The following CDK13 variants were observed in gnomAD, a reference collection of about 807,000 sequenced individuals.
The protein encoded by CDK13 is cyclin dependent kinase 13.
Under a neutral mutation model 137.6 loss-of-function variants are expected in CDK13, and 40 were observed. The ratio of observed to expected loss-of-function variants is 0.29; its 90% confidence interval spans 0.23 to 0.38. The LOEUF is 0.38. Ranked by LOEUF, CDK13 falls within the 10% of genes least tolerant of loss-of-function variation. The pLI is 1.00. For synonymous variants in CDK13, 869 were observed against 760.1 expected (o/e 1.14, Z -2.36); for missense variants, 1,704 against 1,951.8 (o/e 0.87, Z 2.39).
chr7:39,961,081 GGGCACAGT>G (rs1374578416), intron 1 of CDK13, among the ~76,000 whole-genome samples: 1 of 151,874 alleles, frequency 6.6e-6, no homozygotes, highest in African/African-American at 2.4e-5. Flanking sequence ...CTCTTTGGCT[GGGCACAGT>G]GGCTCACGCC....
chr7:40,017,385 T>A (rs1785025624), intron 5 of CDK13, among the ~76,000 whole-genome samples: 1 of 152,144 alleles, frequency 6.6e-6, no homozygotes, highest in Admixed American at 6.5e-5. Context: ...AATTAACTTA[T>A]AAGGAAGTTT....
intron 5 of CDK13, among the ~76,000 whole-genome samples, chr7:40,006,032 T>G (rs552021828): frequency 6.6e-6 from 1 of 152,294 alleles, no homozygotes; most frequent in Non-Finnish European, 1.5e-5. Flanking sequence ...TGAAGAAACT[T>G]TTTCTAAACT....
At chr7:39,972,849 A>G (rs1422120087) in intron 1 of CDK13, among the ~76,000 whole-genome samples, 1 of 152,106 alleles carries the variant, frequency 6.6e-6, no homozygotes, top group Non-Finnish European at 1.5e-5. Context: ...TGATAATTCT[A>G]TGTTTAAGAT....
chr7:39,961,375 G>C (rs1157206684), intron 1 of CDK13, among the ~76,000 whole-genome samples: 1 of 152,108 alleles, frequency 6.6e-6, no homozygotes, highest in Admixed American at 6.6e-5. Flanking sequence ...AAAAACTACT[G>C]TTTTGTCAGT....
rs1223581133 is a variant in CDK13 at position 40,095,910 on chromosome 7, AG to A, written c.*933del. On this transcript the variant is annotated 3_prime_UTR_variant, in exon 14 of 14. Transcript: ENST00000181839. Reference sequence around the variant, plus strand: ...TTGATAGGGGAGTGAGAGCAAAGAAAGGGAGTAGAACTGCAATCAGTACATA... The same window carrying A: ...TTGATAGGGGAGTGAGAGCAAAGAAAGGAGTAGAACTGCAATCAGTACATA... The A allele has an allele frequency of 6.6e-6, 1 of 152,208 alleles. No individual in the cohort carries two copies. Among genetic ancestry groups the A allele is most frequent in the African/African-American group, 2.4e-5 (1 of 41,454 alleles). The allele number at this position is 152,208 out of a possible 1,614,324, so 9.4% of individuals were successfully genotyped here.
Position 40,001,952 on chromosome 7 carries a change from G to A in CDK13, c.2274G>A (p.Gln758=). The change falls in exon 5 of 14, where the codon CAG becomes CAA. Residue 758 remains glutamine (Q), a synonymous_variant. Transcript: ENST00000181839. ...TTCGAGAAATTAAAATTCTCCGGCA[G>A]CTTACCCATCAGAGTATTATCAATA... ...TAIREIKILR[Q]LTHQSIINMK... is the part of the protein sequence containing the mutation. 6 of 1,610,248 alleles carry A rather than the reference G, an allele frequency of 3.7e-6. No homozygotes were observed. The highest frequency in any genetic ancestry group is 5.1e-6 in the Non-Finnish European group (6 of 1,176,788).
At chr7:39,969,115 T>G (rs1252851665) in intron 1 of CDK13, among the ~76,000 whole-genome samples, 1 of 152,116 alleles carries the variant, frequency 6.6e-6, no homozygotes, top group East Asian at 1.9e-4. Context: ...GTTCAAGCGA[T>G]TCCCCTGTCT....
In CDK13 at chr7:39,997,500, A is replaced by G. The variant is rs1583966234; in HGVS notation, c.1878A>G (p.Arg626=). The G allele has an allele frequency of 6.3e-7, 1 of 1,593,406 alleles. No homozygotes were observed. The highest frequency in any genetic ancestry group is 1.9e-5 in the Admixed American group (1 of 52,804). ...LPEDKEADSL[R]GNISVKAVKK... ...TGACTTCTTTCACTTTCAGCTTACG[A>G]GGAAATATTTCAGTAAAAGCAGTTA... is the stretch of plus-strand genomic sequence containing the variant. The change falls in exon 3 of 14, where the codon CGA becomes CGG. Residue 626 remains arginine (R), a synonymous_variant. Transcript: ENST00000181839.
At chr7:40,012,286 T>C (rs1784911980) in intron 5 of CDK13, among the ~76,000 whole-genome samples, 1 of 152,168 alleles carries the variant, frequency 6.6e-6, no homozygotes, top group Admixed American at 6.5e-5. Flanking sequence ...TTCTAGAAAT[T>C]CTACTACTGG....
intron 5 of CDK13, among the ~76,000 whole-genome samples, chr7:40,007,339 C>G (rs531300537): frequency 2.0e-5 from 3 of 152,320 alleles, no homozygotes; most frequent in Non-Finnish European, 4.4e-5. Context: ...TCTCTGATTC[C>G]CAAACAGTGT....
intron 11 of CDK13, among the ~76,000 whole-genome samples, chr7:40,086,598 A>G (rs1014598836): frequency 3.3e-5 from 5 of 152,182 alleles, no homozygotes; most frequent in African/African-American, 1.2e-4. Flanking sequence ...TTACTTTAAG[A>G]TAGAATTGAC....
intron 9 of CDK13, chr7:40,069,248 TAAAAC>T: frequency 2.3e-6 from 1 of 441,122 alleles, no homozygotes; most frequent in Non-Finnish European, 4.5e-6. Context: ...AAAACAGAAA[TAAAAC>T]AACAAAACAT....
intron 5 of CDK13, among the ~76,000 whole-genome samples, chr7:40,003,940 GAC>G (rs898468864): frequency 2.1e-4 from 32 of 152,284 alleles, no homozygotes; most frequent in Admixed American, 1.4e-3. Context: ...ACTACGTATA[GAC>G]ACAGACAATT....
chr7:39,989,663 G>A (rs1476224207), intron 2 of CDK13, among the ~76,000 whole-genome samples: 1 of 152,050 alleles, frequency 6.6e-6, no homozygotes, highest in African/African-American at 2.4e-5. Context: ...AACGCTGAAG[G>A]TTCATAACAG....
At chr7:40,094,057 G>A in intron 13 of CDK13, 73 bp from the exon 14 acceptor site, 13 of 1,522,342 alleles carry the variant, frequency 8.5e-6, no homozygotes, top group South Asian at 1.3e-5. Context: ...CTACCTACAG[G>A]AAACACTGAG....
intron 12 of CDK13, among the ~76,000 whole-genome samples, chr7:40,089,244 A>G (rs10155869): frequency 0.77 from 116,101 of 151,376 alleles, 45,495 homozygotes; most frequent in African/African-American, 0.92. Flanking sequence ...AGACCAGCCC[A>G]GACAACTTCC....
At chr7:39,981,949 G>A (rs1023966534) in intron 1 of CDK13, among the ~76,000 whole-genome samples, 1 of 124,924 alleles carries the variant, frequency 8.0e-6, no homozygotes, top group African/African-American at 2.5e-5. Flanking sequence ...CCGCCACTAC[G>A]CCCGGCTAAT....
chr7:40,016,003 G>A (rs570549427), intron 5 of CDK13, among the ~76,000 whole-genome samples: 1 of 152,308 alleles, frequency 6.6e-6, no homozygotes, highest in Non-Finnish European at 1.5e-5. Context: ...AAGTTAAGGA[G>A]CAGATACTGT....
Position 40,031,500 on chromosome 7 carries a change from C to T in CDK13, c.2354-14336C>T, listed in dbSNP as rs187085236. Among the ~76,000 whole-genome samples the T allele has an allele frequency of 4.6e-5, 7 of 152,164 alleles. No individual in the cohort carries two copies. The East Asian group carries it at 1.2e-3, about 25-fold the overall frequency. ...TCATGCCACTGCACTCCATCCTGGG[C>T]AACAGAGTGAGACTCTGTCTCGAAA... On this transcript the variant is annotated intron_variant, in intron 5 of 13. Coordinates refer to ENST00000181839, the MANE Select transcript of CDK13 (RefSeq NM_003718.5).
Sources: gnomAD v4.1 joint callset for allele counts (sites outside exome capture counted in the v4.1 genomes callset) on GRCh38, gnomAD v4.1.1 for gene constraint, MANE v1.5 for transcripts, NCBI Gene and HGNC (gene_info 2026-07-23, HGNC 2026-07-21) for gene names.